WWOX: variants seen among roughly 807,000 people sequenced by gnomAD.
WWOX encodes WW domain-containing oxidoreductase.
In WWOX, 69 loss-of-function variants were observed where a neutral mutation model predicts 46.2. That is an observed-to-expected ratio of 1.49 (90% CI 1.23 to 1.82). WWOX has a LOEUF of 1.82. Ranked by LOEUF, WWOX falls within the 40% of genes most tolerant of loss-of-function variation. The pLI is 0.00. For missense variants in WWOX, 919 were observed against 542.6 expected (o/e 1.69, Z -6.89); for synonymous variants, 359 against 202.6 (o/e 1.77, Z -6.56).
At chr16:78,742,829 G>C (rs1256826410) in intron 8 of WWOX, among the ~76,000 whole-genome samples, 1 of 152,210 alleles carries the variant, frequency 6.6e-6, no homozygotes, top group Non-Finnish European at 1.5e-5. Flanking sequence ...AAATTGTCCA[G>C]TGAACAGCCA....
intron 7 of WWOX, among the ~76,000 whole-genome samples, chr16:78,425,704 C>G (rs1404234094): frequency 6.6e-6 from 1 of 152,106 alleles, no homozygotes; most frequent in Admixed American, 6.5e-5. Context: ...AACTATTTGT[C>G]TAGAGAGAAG....
chr16:78,460,672 C>T (rs1160087058), intron 8 of WWOX, among the ~76,000 whole-genome samples: 1 of 152,190 alleles, frequency 6.6e-6, no homozygotes, highest in African/African-American at 2.4e-5. Context: ...CTGCTGTGTC[C>T]TTGCTTTTGA....
chr16:78,198,095 T>A (rs1003351574), intron 5 of WWOX, among the ~76,000 whole-genome samples: 1 of 152,158 alleles, frequency 6.6e-6, no homozygotes, highest in East Asian at 1.9e-4. Context: ...TGGTAAGCCA[T>A]CCAGTCTCTG....
At chr16:78,456,346 C>T (rs2083815918) in intron 8 of WWOX, among the ~76,000 whole-genome samples, 1 of 152,006 alleles carries the variant, frequency 6.6e-6, no homozygotes, top group African/African-American at 2.4e-5. Flanking sequence ...AGAAAATAGT[C>T]CTAATGTTGT....
At chr16:78,966,923 C>T (rs1171863391) in intron 8 of WWOX, among the ~76,000 whole-genome samples, 1 of 152,190 alleles carries the variant, frequency 6.6e-6, no homozygotes, top group Admixed American at 6.5e-5. Context: ...TAAAAAGCGT[C>T]TGCGTTGTGT....
intron 8 of WWOX, among the ~76,000 whole-genome samples, chr16:78,877,270 TGCCTGCCTCCCCCCCTCTGACCC>T (rs1218894687): frequency 1.4e-5 from 2 of 140,284 alleles, no homozygotes; most frequent in Non-Finnish European, 3.2e-5. Flanking sequence ...CTGTATGCCC[TGCCTGCCTCCCCCCCTCTGACCC>T]GCCTGCCTCC....
intron 8 of WWOX, among the ~76,000 whole-genome samples, chr16:78,904,178 G>C (rs1383000361): frequency 1.3e-5 from 2 of 149,606 alleles, no homozygotes; most frequent in Non-Finnish European, 3.0e-5. Context: ...CTTTAAAGCA[G>C]AAGTTAGCAG....
intron 4 of WWOX, among the ~76,000 whole-genome samples, chr16:78,119,552 T>G (rs146386030): frequency 4.0e-4 from 61 of 152,298 alleles, no homozygotes; most frequent in African/African-American, 1.4e-3. Flanking sequence ...GCATGCAAAT[T>G]ATTTTCTGTA....
At chr16:78,467,096 A>C (rs1373596444) in intron 8 of WWOX, among the ~76,000 whole-genome samples, 1 of 152,228 alleles carries the variant, frequency 6.6e-6, no homozygotes, top group Non-Finnish European at 1.5e-5. Context: ...GTATACATTG[A>C]AAAATCTATG....
At chr16:79,033,192 A>G (rs1004856801) in intron 8 of WWOX, among the ~76,000 whole-genome samples, 3 of 137,622 alleles carry the variant, frequency 2.2e-5, no homozygotes, top group Non-Finnish European at 3.1e-5. Context: ...TAGATAATTT[A>G]TATATAAATA....
intron 8 of WWOX, among the ~76,000 whole-genome samples, chr16:79,048,502 T>C (rs771430533): frequency 6.6e-5 from 10 of 152,162 alleles, no homozygotes; most frequent in Admixed American, 2.6e-4. Flanking sequence ...GCTTCGTTTC[T>C]GTAGCAGTAA....
At chr16:78,818,835 G>C (rs995504801) in intron 8 of WWOX, among the ~76,000 whole-genome samples, 1 of 152,214 alleles carries the variant, frequency 6.6e-6, no homozygotes, top group Admixed American at 6.5e-5. Flanking sequence ...TTAAGCGTAA[G>C]TGAGAATATT....
intron 6 of WWOX, among the ~76,000 whole-genome samples, chr16:78,395,573 T>C (rs2082266027): frequency 1.3e-5 from 2 of 151,402 alleles, no homozygotes; most frequent in South Asian, 2.1e-4. Context: ...GAAAGGAAAA[T>C]TGGGCCCAGG....
rs185600093 is a variant in WWOX at position 78,500,928 on chromosome 16, G to T, written c.1056+68176G>T. ...GCCAGTGTGTCTCTTTCTCTGGACGGCCAAGTGATGCAGGTACCACGCTTA... is the reference window on the plus strand; with the variant it reads ...GCCAGTGTGTCTCTTTCTCTGGACGTCCAAGTGATGCAGGTACCACGCTTA... On this transcript the variant is annotated intron_variant, in intron 8 of 8. Transcript: ENST00000566780. Among the ~76,000 whole-genome samples, 440 of 152,256 alleles carry T rather than the reference G, an allele frequency of 2.9e-3. 4 individuals carry two copies. The highest frequency in any genetic ancestry group is 0.01 in the African/African-American group (429 of 41,546).
intron 8 of WWOX, among the ~76,000 whole-genome samples, chr16:78,785,593 T>C (rs1393071051): frequency 6.6e-6 from 1 of 152,256 alleles, no homozygotes; most frequent in Non-Finnish European, 1.5e-5. Flanking sequence ...CTGTTTCTTA[T>C]AAATTCGAGA....
chr16:78,771,347 G>A (rs2050060292), intron 8 of WWOX, among the ~76,000 whole-genome samples: 1 of 152,344 alleles, frequency 6.6e-6, no homozygotes, highest in African/African-American at 2.4e-5. Context: ...TGAAGAACAT[G>A]CATGCCCAAC....
intron 8 of WWOX, chr16:78,898,152 C>G (rs958500152): frequency 1.3e-5 from 2 of 151,882 alleles, no homozygotes; most frequent in South Asian, 4.2e-4. Context: ...GTTATAAATA[C>G]TGATAGTGTC....
At chr16:78,983,223 A>C (rs1018545372) in intron 8 of WWOX, among the ~76,000 whole-genome samples, 3 of 152,230 alleles carry the variant, frequency 2.0e-5, no homozygotes, top group African/African-American at 7.2e-5. Flanking sequence ...ACGGACACTC[A>C]AATTGTTTAT....
chr16:78,228,357 T>C (rs2037138779), intron 5 of WWOX, among the ~76,000 whole-genome samples: 1 of 149,652 alleles, frequency 6.7e-6, no homozygotes, highest in Non-Finnish European at 1.5e-5. Flanking sequence ...TTTTTTTTTT[T>C]TTTGGAGATG....
Sources: gnomAD v4.1 joint callset for allele counts (sites outside exome capture counted in the v4.1 genomes callset) on GRCh38, gnomAD v4.1.1 for gene constraint, MANE v1.5 for transcripts, NCBI Gene and HGNC (gene_info 2026-07-23, HGNC 2026-07-21) for gene names.